Variants in SUPT20H observed in about 807,000 individuals in gnomAD.
The protein encoded by SUPT20H is transcription factor SPT20 homolog.
In SUPT20H, 82 loss-of-function variants were observed where a neutral mutation model predicts 122.8. The observed-to-expected ratio is 0.67, with a 90% CI of 0.56 to 0.80. SUPT20H has a LOEUF of 0.80. SUPT20H is among the 30% of genes least tolerant of loss of function. The pLI is 0.00. For synonymous variants in SUPT20H, 291 were observed against 313.0 expected, an observed-to-expected ratio of 0.93 and a Z score of 0.74; for missense variants, 831 against 921.6, an observed-to-expected ratio of 0.90 and a Z score of 1.27.
In SUPT20H at chr13:37,020,205, AT is replaced by A. The variant is rs535181099; in HGVS notation, c.1817-809del. On this transcript the variant is annotated intron_variant, in intron 21 of 25. Coordinates refer to ENST00000350612, the MANE Select transcript of SUPT20H (RefSeq NM_001014286.3). Reference sequence around the variant, plus strand: ...AATGTATCTAGTTCTCTATCATATCATTTTTTTTTTTTAAAGATTTAAGGGA... The same window carrying A: ...AATGTATCTAGTTCTCTATCATATCATTTTTTTTTTTAAAGATTTAAGGGA... Among the ~76,000 whole-genome samples the A allele has an allele frequency of 9.0e-3, 1,313 of 146,608 alleles. 15 individuals carry two copies. Among genetic ancestry groups the A allele is most frequent in the African/African-American group, 0.024 (984 of 40,248 alleles).
intron 9 of SUPT20H, among the ~76,000 whole-genome samples, chr13:37,036,906 T>C (rs2064544227): frequency 6.6e-6 from 1 of 152,028 alleles, no homozygotes; most frequent in Non-Finnish European, 1.5e-5. Context: ...ACAAAATACA[T>C]GTTAATCGCC....
In SUPT20H at chr13:37,045,143, T is replaced by C. The variant is rs138865130; in HGVS notation, c.292+104A>G. On this transcript the variant is annotated intron_variant, in intron 6 of 25. Coordinates refer to ENST00000350612, the MANE Select transcript of SUPT20H (RefSeq NM_001014286.3). ...TGTTTTTATCACTAGGTCATCACTA[T>C]CTGAAGGACAAATGCTTTAGCAGGT... is the stretch of plus-strand genomic sequence containing the variant. 4.6e-4 allele frequency: 674 copies of C among 1,477,968 alleles called. 4 individuals are homozygous for C. The African/African-American group carries it at 8.4e-3, about 18-fold the overall frequency. 91.6% of individuals were successfully genotyped at this position (1,477,968 alleles called of 1,614,324 possible).
At chr13:37,048,701 A>G in intron 2 of SUPT20H, 102 bp from the exon 3 acceptor site, 2 of 978,816 alleles carry the variant, frequency 2.0e-6, no homozygotes, top group Non-Finnish European at 2.9e-6. Flanking sequence ...GGTCTAATAT[A>G]TTTTCCTTTA....
chr13:37,028,159 C>T lies in SUPT20H; in HGVS notation c.1140G>A (p.Met380Ile), dbSNP rs2062655743. ...CKADEESDSQ[M>I]SPSHSSTDDH... ...TTAACAGAACTCACTGTGATGGAGA[C>T]ATCTGGCTGTCACTTTCTTCATCTG... is the stretch of plus-strand genomic sequence containing the variant. The change falls in exon 14 of 26, where the codon ATG becomes ATA. Residue 380 changes from methionine to isoleucine, a missense_variant. Coordinates refer to ENST00000350612, the MANE Select transcript of SUPT20H (RefSeq NM_001014286.3). 2.5e-6 allele frequency: 4 copies of T among 1,605,756 alleles called. No homozygotes were observed. Among genetic ancestry groups the T allele is most frequent in the Non-Finnish European group, 1.7e-6 (2 of 1,177,092 alleles).
At chr13:37,039,228 G>C (rs1185429464) in intron 9 of SUPT20H, 2 of 152,092 alleles carry the variant, frequency 1.3e-5, no homozygotes, top group East Asian at 3.9e-4. Context: ...CTTTCCACTC[G>C]ATGGGTACCA....
chr13:37,033,367 C>A (rs143864275), intron 10 of SUPT20H, 82 bp downstream of exon 10: 1 of 1,526,962 alleles, frequency 6.5e-7, no homozygotes, highest in Non-Finnish European at 8.8e-7. Flanking sequence ...AGCAACCATA[C>A]CCTGGAGGGA....
rs1217828885 is a variant in SUPT20H, at chr13:37,012,517, T to C, written c.1993-220A>G. 2.6e-5 allele frequency: 10 copies of C among 380,102 alleles called. No individual in the cohort carries two copies. The East Asian group carries it at 3.4e-4, about 13-fold the overall frequency. The allele number at this position is 380,102 out of a possible 1,614,324, so 23.5% of individuals were successfully genotyped here. A position where few individuals can be genotyped will look rare whatever the true frequency, so the allele number is the denominator to read the frequency against. On this transcript the variant is annotated intron_variant, in intron 23 of 25. Coordinates refer to ENST00000350612, the MANE Select transcript of SUPT20H (RefSeq NM_001014286.3). ...TCATTTTTCAGTGCATCTGTATTTA[T>C]TGTTTAATGCTACCTAGATAACGCC...
At chr13:37,013,586 C>T (rs1407861088) in intron 23 of SUPT20H, 1 of 151,522 alleles carries the variant, frequency 6.6e-6, no homozygotes, top group African/African-American at 2.4e-5. Context: ...TAAAGAGTTC[C>T]GAGACATGAA....
intron 1 of SUPT20H, among the ~76,000 whole-genome samples, chr13:37,052,572 A>G (rs1202476747): frequency 2.0e-5 from 3 of 152,226 alleles, no homozygotes; most frequent in African/African-American, 7.2e-5. Flanking sequence ...CATAAACCAT[A>G]AAAACCCTAG....
chr13:37,021,490 G>A lies in SUPT20H; in HGVS notation c.1774C>T (p.Pro592Ser). 1 of 1,613,844 alleles carries A rather than the reference G, an allele frequency of 6.2e-7. No homozygotes were observed. The highest frequency in any genetic ancestry group is 8.5e-7 in the Non-Finnish European group (1 of 1,179,906). ...TGCATTGCACTGGGCAGTGCATTTG[G>A]TAGCAGACCTCCTGAGGGTAGAAGG... is the stretch of plus-strand genomic sequence containing the variant. ...SGLLPSGGLL[P>S]NALPSAMQAA... The change falls in exon 21 of 26, where the codon CCA becomes TCA. Residue 592 changes from proline to serine, a missense_variant. Transcript: ENST00000350612.
At chr13:37,038,316 C>T (rs1434574092) in intron 9 of SUPT20H, 2 of 152,038 alleles carry the variant, frequency 1.3e-5, no homozygotes, top group East Asian at 1.9e-4. Flanking sequence ...GGAAATTTTC[C>T]TAAGAATTTT....
Position 37,033,598 on chromosome 13 carries a change from G to T in SUPT20H, c.568-10C>A, listed in dbSNP as rs2063795657. 6.2e-7 allele frequency: 1 copy of T among 1,611,974 alleles called. No homozygotes were observed. Among genetic ancestry groups the T allele is most frequent in the African/African-American group, 1.3e-5 (1 of 74,866 alleles). On this transcript the variant is annotated splice_polypyrimidine_tract_variant and intron_variant, in intron 9 of 25. Transcript: ENST00000350612. ...GCAAAAGTTTGTCTTCCTGAAATGT[G>T]TAAGAGCATATGTCAATACCAGATT...
chr13:37,052,305 A>C (rs927098556), intron 1 of SUPT20H, among the ~76,000 whole-genome samples: 1 of 152,216 alleles, frequency 6.6e-6, no homozygotes, highest in African/African-American at 2.4e-5. Flanking sequence ...TAACCAAAAC[A>C]GCATGCTACT....
At chr13:37,058,528 TTTAAA>T (rs1329694481) in intron 1 of SUPT20H, among the ~76,000 whole-genome samples, 1 of 152,218 alleles carries the variant, frequency 6.6e-6, no homozygotes, top group East Asian at 1.9e-4. Flanking sequence ...GCTTACTAAC[TTTAAA>T]TTATTTAAGT....
At chr13:37,045,006 A>G (rs939637225) in intron 6 of SUPT20H, among the ~76,000 whole-genome samples, 1 of 152,018 alleles carries the variant, frequency 6.6e-6, no homozygotes, top group African/African-American at 2.4e-5. Flanking sequence ...CTTGAAAGAC[A>G]TATCAATTAG....
intron 17 of SUPT20H, 48 bp from the exon 18 acceptor site, chr13:37,024,490 T>C: frequency 1.7e-6 from 2 of 1,210,934 alleles, no homozygotes; most frequent in South Asian, 1.8e-5. Context: ...AATACTGCTA[T>C]AAACCCCAGA....
intron 7 of SUPT20H, among the ~76,000 whole-genome samples, chr13:37,043,350 G>A (rs888307736): frequency 1.2e-4 from 18 of 152,196 alleles, no homozygotes; most frequent in African/African-American, 4.1e-4. Context: ...CTGGGGTTAA[G>A]TTAAGGCAGT....
intron 2 of SUPT20H, among the ~76,000 whole-genome samples, chr13:37,049,954 T>G (rs1231900806): frequency 6.6e-6 from 1 of 152,134 alleles, no homozygotes; most frequent in Non-Finnish European, 1.5e-5. Flanking sequence ...CCAAATTGCA[T>G]GTGGGTAAAA....
In SUPT20H at chr13:37,028,162, C is replaced by T; in HGVS notation, c.1137G>A (p.Gln379=). 10 of 1,605,720 alleles carry T rather than the reference C, an allele frequency of 6.2e-6. No individual in the cohort carries two copies. Among genetic ancestry groups the T allele is most frequent in the Non-Finnish European group, 8.5e-6 (10 of 1,177,170 alleles). The change falls in exon 14 of 26, where the codon CAG becomes CAA. Residue 379 remains glutamine, a synonymous_variant. Transcript: ENST00000350612. ...PCKADEESDS[Q]MSPSHSSTDD... ...ACAGAACTCACTGTGATGGAGACAT[C>T]TGGCTGTCACTTTCTTCATCTGCTT...
Sources: gnomAD v4.1 joint callset for allele counts (sites outside exome capture counted in the v4.1 genomes callset) on GRCh38, gnomAD v4.1.1 for gene constraint, MANE v1.5 for transcripts, NCBI Gene and HGNC (gene_info 2026-07-23, HGNC 2026-07-21) for gene names.